The following OFD1 variants were observed in gnomAD, a reference collection of about 807,000 sequenced individuals.
OFD1 encodes the protein centriole and centriolar satellite protein OFD1.
In OFD1, 12 loss-of-function variants were observed where a neutral mutation model predicts 81.4. That is an observed-to-expected ratio of 0.15 (90% CI 0.09 to 0.24). OFD1 has a LOEUF of 0.24. OFD1 is among the 10% of genes least tolerant of loss of function. The pLI, the probability that OFD1 is intolerant of heterozygous loss-of-function variation, is 1.00. For synonymous variants in OFD1, 256 were observed against 263.7 expected (o/e 0.97, Z 0.28); for missense variants, 685 against 733.9 (o/e 0.93, Z 0.77).
chrX:13,739,278 C>T, intron 5 of OFD1: 3 of 268,608 alleles, frequency 1.1e-5, no homozygotes, highest in Admixed American at 6.4e-5. Flanking sequence ...AAAATACCCA[C>T]TGTTGGGAAT....
the OFD1 span, among the ~76,000 whole-genome samples, chrX:13,728,560 T>C: frequency 0.03 from 3,397 of 111,769 alleles, 112 homozygotes; most frequent in African/African-American, 0.094. Context: ...GCCCTTCATG[T>C]TAAAAACTCT....
chrX:13,759,624 A>G (rs1184681393), intron 15 of OFD1, among the ~76,000 whole-genome samples: 1 of 112,074 alleles, frequency 8.9e-6, no homozygotes, highest in Non-Finnish European at 1.9e-5. Flanking sequence ...TCACTTCCTT[A>G]TATGAAACTC....
chrX:13,773,264 C>A, downstream of OFD1: 3 of 272,463 alleles, frequency 1.1e-5, no homozygotes, highest in Non-Finnish European at 1.9e-5. Context: ...AAAAAAATGG[C>A]CAAAGGTATT....
intron 10 of OFD1, 45 bp downstream of exon 10, chrX:13,751,413 T>C: frequency 9.2e-7 from 1 of 1,088,105 alleles, no homozygotes; most frequent in Non-Finnish European, 1.3e-6. Context: ...TTAAATTAAA[T>C]TGGTAGAAAC....
intron 17 of OFD1, among the ~76,000 whole-genome samples, chrX:13,762,050 A>G (rs2047955209): frequency 9.1e-6 from 1 of 109,584 alleles, no homozygotes; most frequent in South Asian, 3.9e-4. Context: ...ATTTTTTTTC[A>G]GAAATGTTTT....
At chrX:13,717,034 T>TAAAAAAAAAAAAAAAAAAAAA in the OFD1 span, among the ~76,000 whole-genome samples, 4 of 37,935 alleles carry the variant, frequency 1.1e-4, no homozygotes, top group Admixed American at 4.4e-4. Context: ...GATACTATGT[T>TAAAAAAAAAAAAAAAAAAAAA]AAAAAAAAAA....
chrX:13,740,748 GC>G (rs1362375768), intron 5 of OFD1, among the ~76,000 whole-genome samples: 12 of 103,571 alleles, frequency 1.2e-4, no homozygotes, highest in African/African-American at 3.2e-4. Context: ...AGCCAAGATA[GC>G]GCCACTGCAC....
At chrX:13,742,135 A>C (rs765753703) in intron 5 of OFD1, among the ~76,000 whole-genome samples, 8 of 112,503 alleles carry the variant, frequency 7.1e-5, no homozygotes, top group Admixed American at 3.8e-4. Flanking sequence ...AGACATATAC[A>C]TCAATGGGGA....
chrX:13,735,698 T>C (rs773172808), intron 2 of OFD1, among the ~76,000 whole-genome samples: 3 of 112,417 alleles, frequency 2.7e-5, no homozygotes, highest in Non-Finnish European at 5.6e-5. Context: ...GTAATACATT[T>C]GGATGAAGGA....
At chrX:13,744,294 T>C in intron 5 of OFD1, 121 bp from the exon 6 acceptor site, 1 of 470,587 alleles carries the variant, frequency 2.1e-6, no homozygotes, top group Admixed American at 3.3e-5. Context: ...CTTTTGTCTC[T>C]AAAAAAAAGG....
the OFD1 span, among the ~76,000 whole-genome samples, chrX:13,729,520 T>C: frequency 1.1e-4 from 12 of 112,523 alleles, no homozygotes; most frequent in Non-Finnish European, 1.1e-4. Flanking sequence ...ATTTAATAAA[T>C]GGTGCTGGGA....
chrX:13,738,235 A>G (rs750913365), intron 3 of OFD1, among the ~76,000 whole-genome samples: 6 of 112,734 alleles, frequency 5.3e-5, no homozygotes, highest in Non-Finnish European at 9.4e-5. Context: ...ATACAATTAT[A>G]TAGCAGGAAT....
At chrX:13,724,515 G>C in the OFD1 span, among the ~76,000 whole-genome samples, 3 of 111,261 alleles carry the variant, frequency 2.7e-5, no homozygotes, top group Admixed American at 9.6e-5. Context: ...ATGCTGACCT[G>C]TTTAACTTCC....
chrX:13,731,775 T>A (rs770300202), upstream of OFD1, among the ~76,000 whole-genome samples: 1 of 112,128 alleles, frequency 8.9e-6, no homozygotes, highest in African/African-American at 3.2e-5. Context: ...CTAGTAAGGC[T>A]TTGAGGTTGA....
At chrX:13,761,521 TAAA>T (rs1423814789) in intron 17 of OFD1, among the ~76,000 whole-genome samples, 1 of 112,366 alleles carries the variant, frequency 8.9e-6, no homozygotes, top group African/African-American at 3.2e-5. Context: ...TTTATTAAGA[TAAA>T]AAACAAATGT....
intron 14 of OFD1, 50 bp from the exon 15 acceptor site, chrX:13,758,287 G>A (rs376906561): frequency 9.2e-6 from 8 of 870,200 alleles, no homozygotes. Context: ...TTTGAAGCAA[G>A]CTGTGATTTG....
chrX:13,730,141 A>G (rs2046642890), upstream of OFD1, among the ~76,000 whole-genome samples: 1 of 110,971 alleles, frequency 9.0e-6, no homozygotes, highest in Non-Finnish European at 1.9e-5. Flanking sequence ...GGCAACCTAC[A>G]GAATGGGAGA....
chrX:13,749,639 T>C (rs1291294454), intron 9 of OFD1, 106 bp downstream of exon 9: 6 of 543,510 alleles, frequency 1.1e-5, no homozygotes, highest in Admixed American at 2.8e-5. Flanking sequence ...AGAGTTCTTA[T>C]TTGTAAAGGG....
At position 13,751,321 on chromosome X, in the gene OFD1, G is replaced by A. The variant is rs779284497; in HGVS notation, c.1008G>A (p.Lys336=). 2 of 1,201,174 alleles carry A rather than the reference G, an allele frequency of 1.7e-6. No homozygotes were observed. The highest frequency in any genetic ancestry group is 5.9e-5 in the East Asian group (2 of 33,794). ...EALRRQEQNI[K]SFEETYDRKL... ...TTAGGAGACAGGAGCAGAATATAAA[G>A]AGTTTTGAGGAGACCTATGACCGAA... The change falls in exon 10 of 23, where the codon AAG becomes AAA. Residue 336 remains lysine (K), a synonymous_variant. Transcript: ENST00000340096.
Sources: allele counts gnomAD v4.1 joint callset (sites outside exome capture counted in the v4.1 genomes callset), GRCh38; gene constraint gnomAD v4.1.1; transcripts MANE v1.5; gene names NCBI Gene and HGNC (gene_info 2026-07-23, HGNC 2026-07-21).